The following NKAIN2 variants were observed in gnomAD, a reference collection of about 807,000 sequenced individuals.
NKAIN2 encodes the protein sodium/potassium-transporting ATPase subunit beta-1-interacting protein 2.
In NKAIN2, 14 loss-of-function variants were observed where a neutral mutation model predicts 32.6. The ratio of observed to expected loss-of-function variants is 0.43; its 90% CI spans 0.28 to 0.67. The LOEUF is 0.67. Ranked by LOEUF, NKAIN2 falls within the 30% of genes least tolerant of loss-of-function variation. The probability of loss-of-function intolerance (pLI) is 0.17; values close to 1 mark genes in which losing one functional copy is unlikely to be tolerated. For synonymous variants in NKAIN2, 80 were observed against 87.2 expected (o/e 0.92, Z 0.46); for missense variants, 198 against 258.3 (o/e 0.77, Z 1.60).
At chr6:124,304,774 C>T (rs957429210) in intron 2 of NKAIN2, among the ~76,000 whole-genome samples, 1 of 151,982 alleles carries the variant, frequency 6.6e-6, no homozygotes, top group Non-Finnish European at 1.5e-5. Context: ...ATTAGCCAGG[C>T]GTGGTGGTGT....
At chr6:124,145,606 C>T (rs922801983) in intron 1 of NKAIN2, among the ~76,000 whole-genome samples, 9 of 152,080 alleles carry the variant, frequency 5.9e-5, no homozygotes, top group South Asian at 4.2e-4. Flanking sequence ...CCCGGGTTCA[C>T]GCCATTCTCC....
At chr6:124,791,059 T>C (rs1007875912) in intron 4 of NKAIN2, among the ~76,000 whole-genome samples, 3 of 152,302 alleles carry the variant, frequency 2.0e-5, no homozygotes, top group East Asian at 3.9e-4. Flanking sequence ...ATAAGTCTTT[T>C]TCTGTATTGA....
chr6:123,806,295 CAT>C (rs1048883371), intron 1 of NKAIN2, among the ~76,000 whole-genome samples: 2 of 152,032 alleles, frequency 1.3e-5, no homozygotes, highest in Admixed American at 6.5e-5. Context: ...ATATGAGAAT[CAT>C]GTGATTTTTC....
chr6:123,921,662 G>T (rs1775760940), intron 1 of NKAIN2, among the ~76,000 whole-genome samples: 1 of 152,090 alleles, frequency 6.6e-6, no homozygotes, highest in Admixed American at 6.6e-5. Flanking sequence ...GATGACCATT[G>T]GAGATATTTA....
intron 1 of NKAIN2, among the ~76,000 whole-genome samples, chr6:124,014,964 A>G (rs757881689): frequency 1.3e-5 from 2 of 151,964 alleles, no homozygotes; most frequent in African/African-American, 2.4e-5. Flanking sequence ...TTATACATAC[A>G]CTCTTACACA....
chr6:124,294,364 C>A (rs1237886569), intron 2 of NKAIN2, among the ~76,000 whole-genome samples: 1 of 152,082 alleles, frequency 6.6e-6, no homozygotes, highest in Non-Finnish European at 1.5e-5. Flanking sequence ...CTTGGATAGA[C>A]CCAACCTACC....
chr6:124,210,043 T>C (rs888197483), intron 1 of NKAIN2, among the ~76,000 whole-genome samples: 8 of 151,772 alleles, frequency 5.3e-5, no homozygotes, highest in African/African-American at 1.9e-4. Flanking sequence ...TCTAAAGTGT[T>C]TCCCTGATGT....
chr6:124,044,276 C>G (rs1166284473), intron 1 of NKAIN2, among the ~76,000 whole-genome samples: 1 of 151,836 alleles, frequency 6.6e-6, no homozygotes, highest in African/African-American at 2.4e-5. Context: ...AATTTTCCAC[C>G]CTAGGCAAAG....
chr6:124,625,933 GT>G, intron 3 of NKAIN2, among the ~76,000 whole-genome samples: 1 of 151,166 alleles, frequency 6.6e-6, no homozygotes, highest in Non-Finnish European at 1.5e-5. Context: ...ACCAGTTTTT[GT>G]TTTTTTAAAA....
intron 3 of NKAIN2, among the ~76,000 whole-genome samples, chr6:124,459,789 T>G (rs1776459985): frequency 6.6e-6 from 1 of 151,886 alleles, no homozygotes; most frequent in South Asian, 2.1e-4. Flanking sequence ...AAGGTTTGTC[T>G]TCTATAAATC....
chr6:124,252,722 G>T (rs775395345), intron 1 of NKAIN2, among the ~76,000 whole-genome samples: 2 of 152,064 alleles, frequency 1.3e-5, no homozygotes, highest in Non-Finnish European at 2.9e-5. Flanking sequence ...CTTCACTTCA[G>T]TGTGATGGTT....
chr6:124,484,386 A>C (rs566637497), intron 3 of NKAIN2, among the ~76,000 whole-genome samples: 13 of 152,302 alleles, frequency 8.5e-5, no homozygotes, highest in African/African-American at 3.1e-4. Flanking sequence ...TCTAAGTACC[A>C]TGGATTGCCT....
At chr6:123,831,667 T>A (rs1253512742) in intron 1 of NKAIN2, among the ~76,000 whole-genome samples, 1 of 151,284 alleles carries the variant, frequency 6.6e-6, no homozygotes, top group Non-Finnish European at 1.5e-5. Flanking sequence ...TTTTGTTTTT[T>A]TTTTTTGAGA....
rs977753650 is a variant in NKAIN2 at position 124,824,050 on chromosome 6, C to T, written c.*821C>T. On this transcript the variant is annotated 3_prime_UTR_variant, in exon 7 of 7. Transcript: ENST00000368417. ...AACAATATCTGTCATCTTTATAATT[C>T]TAAAATATGGTCTTCTGATGGGGTT... The T allele has an allele frequency of 3.3e-5, 5 of 152,104 alleles. No individual in the cohort carries two copies. Among genetic ancestry groups the T allele is most frequent in the African/African-American group, 1.2e-4 (5 of 41,410 alleles). 9.4% of individuals were successfully genotyped at this position (152,104 alleles called of 1,614,324 possible).
At chr6:124,538,856 T>C (rs1397696529) in intron 3 of NKAIN2, among the ~76,000 whole-genome samples, 2 of 152,190 alleles carry the variant, frequency 1.3e-5, no homozygotes, top group Admixed American at 1.3e-4. Flanking sequence ...TTAATGATTG[T>C]ATTTTTCGTT....
At chr6:124,053,698 G>T (rs926391718) in intron 1 of NKAIN2, among the ~76,000 whole-genome samples, 3 of 152,084 alleles carry the variant, frequency 2.0e-5, no homozygotes, top group African/African-American at 7.2e-5. Context: ...TCTGGAAACA[G>T]TCTCCTTTCT....
intron 1 of NKAIN2, among the ~76,000 whole-genome samples, chr6:124,132,230 C>T (rs1418160712): frequency 6.6e-6 from 1 of 152,166 alleles, no homozygotes; most frequent in East Asian, 1.9e-4. Context: ...GAGAACCATA[C>T]CCCTGTCCCC....
At chr6:124,480,008 T>A (rs148949431) in intron 3 of NKAIN2, among the ~76,000 whole-genome samples, 1 of 152,298 alleles carries the variant, frequency 6.6e-6, no homozygotes, top group Non-Finnish European at 1.5e-5. Flanking sequence ...AAGACACTAA[T>A]GCATTCTGCA....
chr6:124,352,158 A>G (rs1487378332), intron 2 of NKAIN2, among the ~76,000 whole-genome samples: 1 of 152,190 alleles, frequency 6.6e-6, no homozygotes, highest in Non-Finnish European at 1.5e-5. Context: ...ACAGAGCCAG[A>G]TGTTAGGTTC....
Sources: gnomAD v4.1 joint callset for allele counts (sites outside exome capture counted in the v4.1 genomes callset) on GRCh38, gnomAD v4.1.1 for gene constraint, MANE v1.5 for transcripts, NCBI Gene and HGNC (gene_info 2026-07-23, HGNC 2026-07-21) for gene names.